The following CDK14 variants were observed in gnomAD, a reference collection of about 807,000 sequenced individuals.
CDK14 encodes the protein cyclin-dependent kinase 14.
CDK14 carries 34 observed loss-of-function variants against 60.7 expected under a neutral mutation model. The ratio of observed to expected loss-of-function variants is 0.56; its 90% confidence interval spans 0.43 to 0.75. CDK14 has a LOEUF of 0.75. Among genes scored for constraint, CDK14 ranks in the 30% least tolerant of loss-of-function variants. The pLI, the probability that CDK14 is intolerant of heterozygous loss-of-function variation, is 0.00. For missense variants in CDK14, 482 were observed against 564.1 expected (o/e 0.85, Z 1.47); for synonymous variants, 197 against 203.7 (o/e 0.97, Z 0.28).
In CDK14 at chr7:91,112,822, G is replaced by GGTGTGTGTGT. The variant is rs112066860; in HGVS notation, c.1294+156_1294+165dup. On this transcript the variant is annotated intron_variant, in intron 13 of 14. Coordinates refer to ENST00000380050, the MANE Select transcript of CDK14 (RefSeq NM_001287135.2). Reference sequence around the variant, plus strand: ...AATGTATGTTTGTATGTGCATTACAGGTGTGTGTGTGTGTGTGTGTGTGTA... The same window carrying GGTGTGTGTGT: ...AATGTATGTTTGTATGTGCATTACAGGTGTGTGTGTGTGTGTGTGTGTGTGTGTGTGTGTA... 2.9e-5 allele frequency: 20 copies of GGTGTGTGTGT among 688,514 alleles called. No individual in the cohort carries two copies. The African/African-American group carries it at 3.3e-4, about 11-fold the overall frequency. The allele number at this position is 688,514 out of a possible 1,614,324, so 42.7% of individuals were successfully genotyped here.
chr7:91,176,184 C>T (rs2115840511), intron 14 of CDK14, among the ~76,000 whole-genome samples: 1 of 152,144 alleles, frequency 6.6e-6, no homozygotes. Flanking sequence ...TACATGGAAA[C>T]TGAACAACCT....
At chr7:90,603,884 C>T (rs1799366240) in intron 1 of CDK14, among the ~76,000 whole-genome samples, 1 of 152,180 alleles carries the variant, frequency 6.6e-6, no homozygotes, top group African/African-American at 2.4e-5. Context: ...GGGGAAATTT[C>T]TTTAAGATTA....
chr7:90,888,224 C>T (rs1177878974), intron 6 of CDK14, among the ~76,000 whole-genome samples: 1 of 151,994 alleles, frequency 6.6e-6, no homozygotes, highest in African/African-American at 2.4e-5. Context: ...GTGGCTTGTG[C>T]CTGTAGTGCC....
chr7:91,001,411 T>TA (rs1314518693), intron 10 of CDK14, among the ~76,000 whole-genome samples: 3 of 152,214 alleles, frequency 2.0e-5, no homozygotes, highest in South Asian at 2.1e-4. Flanking sequence ...GATGGTAAGA[T>TA]AAAAAAATCA....
intron 6 of CDK14, among the ~76,000 whole-genome samples, chr7:90,863,615 G>T (rs1167758947): frequency 6.6e-6 from 1 of 151,158 alleles, no homozygotes; most frequent in African/African-American, 2.4e-5. Context: ...CAATAAGAAT[G>T]GTTTTTTATT....
chr7:90,973,732 T>A (rs76492683), intron 9 of CDK14, among the ~76,000 whole-genome samples: 110,539 of 151,442 alleles, frequency 0.73, 40,449 homozygotes, highest in East Asian at 0.77. Context: ...AGCAATTTTT[T>A]TTAGGGATTT....
chr7:90,632,818 G>A (rs560119746), intron 2 of CDK14, among the ~76,000 whole-genome samples: 1 of 152,276 alleles, frequency 6.6e-6, no homozygotes, highest in African/African-American at 2.4e-5. Flanking sequence ...GCTGGGCACG[G>A]TGGCTCACAC....
chr7:91,188,755 A>G lies in CDK14; in HGVS notation c.*29-18410A>G, dbSNP rs113980055. On this transcript the variant is annotated intron_variant, in intron 14 of 14. Coordinates refer to ENST00000380050, the MANE Select transcript of CDK14 (RefSeq NM_001287135.2). ...ATTCCATTGCCTTATTACCAATGTT[A>G]TACCTCAAAATAAGGTGTGACTGTA... is the stretch of plus-strand genomic sequence containing the variant. Among the ~76,000 whole-genome samples the G allele has an allele frequency of 6.8e-3, 1,029 of 152,322 alleles. 13 individuals are homozygous for G. The highest frequency in any genetic ancestry group is 0.024 in the African/African-American group (977 of 41,572).
At chr7:90,958,628 A>T (rs967491664) in intron 9 of CDK14, among the ~76,000 whole-genome samples, 1 of 152,246 alleles carries the variant, frequency 6.6e-6, no homozygotes, top group East Asian at 1.9e-4. Context: ...GTTGAAAATA[A>T]AGGCCAATGA....
chr7:91,183,836 G>A (rs900756594), intron 14 of CDK14, among the ~76,000 whole-genome samples: 2 of 152,110 alleles, frequency 1.3e-5, no homozygotes, highest in Admixed American at 1.3e-4. Context: ...TCTATTCATT[G>A]TCTCTATACA....
chr7:91,027,354 G>T (rs560938404), intron 10 of CDK14, among the ~76,000 whole-genome samples: 4 of 152,312 alleles, frequency 2.6e-5, no homozygotes, highest in Admixed American at 6.5e-5. Flanking sequence ...CCATATCTCA[G>T]TGTCATCCAG....
chr7:90,743,589 G>A (rs1803443724), intron 3 of CDK14, among the ~76,000 whole-genome samples: 1 of 152,038 alleles, frequency 6.6e-6, no homozygotes, highest in Non-Finnish European at 1.5e-5. Context: ...GATTAGTAGT[G>A]TATGCTTGTC....
intron 4 of CDK14, among the ~76,000 whole-genome samples, chr7:90,755,012 T>C (rs1357500591): frequency 6.6e-6 from 1 of 152,148 alleles, no homozygotes; most frequent in Admixed American, 6.5e-5. Context: ...ACACTGCTGG[T>C]GAGAATGTAA....
chr7:91,198,314 C>T (rs1426140789), intron 14 of CDK14, among the ~76,000 whole-genome samples: 5 of 152,092 alleles, frequency 3.3e-5, no homozygotes, highest in East Asian at 3.9e-4. Context: ...ACTTGATAAG[C>T]GCAGCACTCA....
chr7:90,986,350 A>C (rs1032360517), intron 10 of CDK14, among the ~76,000 whole-genome samples: 5 of 152,042 alleles, frequency 3.3e-5, no homozygotes, highest in Non-Finnish European at 5.9e-5. Context: ...TATTTCAATA[A>C]AATTTAATTT....
At chr7:91,131,350 C>T (rs1457976223) in intron 14 of CDK14, among the ~76,000 whole-genome samples, 3 of 152,102 alleles carry the variant, frequency 2.0e-5, no homozygotes, top group African/African-American at 7.2e-5. Context: ...ATGATATCCA[C>T]ATAAATTATC....
At chr7:91,199,494 A>G (rs1004237128) in intron 14 of CDK14, among the ~76,000 whole-genome samples, 3 of 152,202 alleles carry the variant, frequency 2.0e-5, no homozygotes, top group Non-Finnish European at 4.4e-5. Context: ...TTCCATTTGC[A>G]TAAATCTGAT....
At chr7:91,042,552 T>C (rs1315433704) in intron 10 of CDK14, among the ~76,000 whole-genome samples, 1 of 152,074 alleles carries the variant, frequency 6.6e-6, no homozygotes, top group African/African-American at 2.4e-5. Context: ...AATAAAGAGC[T>C]GAACCAATAA....
At chr7:91,020,212 C>T (rs185227431) in intron 10 of CDK14, among the ~76,000 whole-genome samples, 3 of 152,270 alleles carry the variant, frequency 2.0e-5, no homozygotes, top group Admixed American at 2.0e-4. Flanking sequence ...ATTGCAAAGT[C>T]CTATGGCAGA....
Sources: allele counts gnomAD v4.1 joint callset (sites outside exome capture counted in the v4.1 genomes callset), GRCh38; gene constraint gnomAD v4.1.1; transcripts MANE v1.5; gene names NCBI Gene and HGNC (gene_info 2026-07-23, HGNC 2026-07-21).